The following EXD2 variants were observed in gnomAD, a reference collection of about 807,000 sequenced individuals.
EXD2 encodes exonuclease 3'-5' domain-containing protein 2.
A neutral mutation model predicts 62.5 loss-of-function variants in EXD2; 40 were observed. The ratio of observed to expected loss-of-function variants is 0.64; its 90% CI spans 0.50 to 0.83. EXD2 has a LOEUF of 0.83. EXD2 is among the 40% of genes least tolerant of loss of function. The pLI is 0.00. For synonymous variants in EXD2, 239 were observed against 291.9 expected, an observed-to-expected ratio of 0.82 and a Z score of 1.85; for missense variants, 671 against 761.8, an observed-to-expected ratio of 0.88 and a Z score of 1.40.
intron 1 of EXD2, among the ~76,000 whole-genome samples, chr14:69,199,397 C>A (rs573431127): frequency 6.6e-6 from 1 of 152,188 alleles, no homozygotes; most frequent in Non-Finnish European, 1.5e-5. Flanking sequence ...CTTATAAACA[C>A]GTGTGTATTT....
chr14:69,236,384 A>G (rs1221888736), intron 7 of EXD2, 23 bp from the exon 8 acceptor site: 2 of 1,613,952 alleles, frequency 1.2e-6, no homozygotes, highest in Non-Finnish European at 1.7e-6. Context: ...GAGCAGTCAA[A>G]CACTGATGTC....
rs1459819460 is a variant in EXD2 at position 69,241,731 on chromosome 14, C to G, written c.*631C>G. On this transcript the variant is annotated 3_prime_UTR_variant, in exon 10 of 10. Coordinates refer to ENST00000685843, the MANE Select transcript of EXD2 (RefSeq NM_001193360.2). Reference sequence around the variant, plus strand: ...AGGACCAAACAGCAACTTCCTGCCACACACTTCCACCCTATCACTGGGAGA... The same window carrying G: ...AGGACCAAACAGCAACTTCCTGCCAGACACTTCCACCCTATCACTGGGAGA... 1 of 397,728 alleles carries G rather than the reference C, an allele frequency of 2.5e-6. No individual in the cohort carries two copies. The highest frequency in any genetic ancestry group is 3.6e-5 in the East Asian group (1 of 28,070). 24.6% of individuals were successfully genotyped at this position (397,728 alleles called of 1,614,324 possible).
chr14:69,228,809 G>A lies in EXD2; in HGVS notation c.334-7G>A, dbSNP rs754074251. On this transcript the variant is annotated splice_polypyrimidine_tract_variant and splice_region_variant and intron_variant, in intron 3 of 9. Transcript: ENST00000685843. ...GTGAACCACAACCTTGTCTTCCTCT[G>A]TTGCAGGTAAATTTGGAAGGCAAAG... 6.2e-7 allele frequency: 1 copy of A among 1,607,804 alleles called. No individual in the cohort carries two copies. The highest frequency in any genetic ancestry group is 8.5e-7 in the Non-Finnish European group (1 of 1,176,936).
intron 1 of EXD2, among the ~76,000 whole-genome samples, chr14:69,201,543 C>G (rs2042397282): frequency 6.6e-6 from 1 of 152,050 alleles, no homozygotes. Context: ...CCTGCCCTTC[C>G]CATTTGTGCA....
intron 9 of EXD2, among the ~76,000 whole-genome samples, chr14:69,238,356 A>G (rs920484060): frequency 1.3e-5 from 2 of 152,170 alleles, no homozygotes; most frequent in Non-Finnish European, 1.5e-5. Context: ...CTCAGTATCC[A>G]TGGGGGATTG....
chr14:69,236,489 G>C lies in EXD2; in HGVS notation c.1239G>C (p.Leu413Phe), dbSNP rs1226974513. ...GRPESPGDYY[L>F]MVKENLCVVC... ...CCGAATCTCCTGGAGACTATTACTT[G>C]ATGGTTAAAGAGAACCTGTGTGTAG... The change falls in exon 8 of 10, where the codon TTG (leucine) becomes TTC (phenylalanine). Residue 413 changes from leucine to phenylalanine, a missense_variant. By Grantham distance (22) the Leu-to-Phe change is conservative. Coordinates refer to ENST00000685843, the MANE Select transcript of EXD2 (RefSeq NM_001193360.2). 1 of 1,614,158 alleles carries C rather than the reference G, an allele frequency of 6.2e-7. No individual in the cohort carries two copies. Among genetic ancestry groups the C allele is most frequent in the Admixed American group, 1.7e-5 (1 of 60,032 alleles).
intron 3 of EXD2, among the ~76,000 whole-genome samples, chr14:69,217,093 C>G (rs1233547345): frequency 6.6e-6 from 1 of 152,160 alleles, no homozygotes; most frequent in Non-Finnish European, 1.5e-5. Context: ...CGCTCTGTTA[C>G]CCAGGCTAGA....
intron 5 of EXD2, among the ~76,000 whole-genome samples, chr14:69,230,846 G>C (rs1436128938): frequency 2.0e-5 from 3 of 152,060 alleles, no homozygotes; most frequent in African/African-American, 7.2e-5. Flanking sequence ...GCAGTGGTAC[G>C]GTCTTGGCTC....
At chr14:69,223,493 GGCAAAATATAT>G (rs2043257573) in intron 3 of EXD2, among the ~76,000 whole-genome samples, 1 of 152,162 alleles carries the variant, frequency 6.6e-6, no homozygotes, top group African/African-American at 2.4e-5. Flanking sequence ...TTTCTTTAAT[GGCAAAATATAT>G]GCAAATCCAA....
chr14:69,228,043 A>G (rs2043422198), intron 3 of EXD2: 3 of 151,908 alleles, frequency 2.0e-5, no homozygotes, highest in African/African-American at 7.3e-5. Context: ...TCTATCTTCT[A>G]CCTCTTTTTA....
At chr14:69,203,239 AT>A (rs35897888) in intron 1 of EXD2, among the ~76,000 whole-genome samples, 2,938 of 144,606 alleles carry the variant, frequency 0.02, 72 homozygotes, top group African/African-American at 0.069. Flanking sequence ...GTTTTTTGTA[AT>A]TTTTTTTTTT....
chr14:69,223,541 A>G lies in EXD2; in HGVS notation c.334-5275A>G, dbSNP rs916934028. ...GAAGTGGTTATACAAAGCAGGAAATAACAGCATGCTATCACAAAGAGGTAT... is the reference window on the plus strand; with the variant it reads ...GAAGTGGTTATACAAAGCAGGAAATGACAGCATGCTATCACAAAGAGGTAT... On this transcript the variant is annotated intron_variant, in intron 3 of 9. Transcript: ENST00000685843. 2.6e-5 allele frequency among the ~76,000 whole-genome samples: 4 copies of G among 152,238 alleles called. No individual in the cohort carries two copies. The East Asian group carries it at 7.7e-4, about 29-fold the overall frequency.
At position 69,234,570 on chromosome 14, in the gene EXD2, T is replaced by G. The variant is rs1727808344; in HGVS notation, c.718-130T>G. 3 of 727,654 alleles carry G rather than the reference T, an allele frequency of 4.1e-6. No individual in the cohort carries two copies. In the South Asian group the frequency reaches 6.1e-5, roughly 15 times the overall value. The allele number at this position is 727,654 out of a possible 1,614,324, so 45.1% of individuals were successfully genotyped here. ...TATAATAAGAAGTTTTAAGGAAGTG[T>G]ATGGTGCCCAGGTTGTCGTACATTT... On this transcript the variant is annotated intron_variant, in intron 5 of 9. Coordinates refer to ENST00000685843, the MANE Select transcript of EXD2 (RefSeq NM_001193360.2).
chr14:69,226,084 A>G (rs943772133), intron 3 of EXD2, among the ~76,000 whole-genome samples: 6 of 152,344 alleles, frequency 3.9e-5, no homozygotes, highest in Non-Finnish European at 8.8e-5. Flanking sequence ...AAGAGGTACA[A>G]ATATTGAACC....
intron 3 of EXD2, among the ~76,000 whole-genome samples, chr14:69,212,903 G>T (rs183630445): frequency 3.0e-4 from 46 of 151,230 alleles, no homozygotes; most frequent in African/African-American, 1.1e-3. Flanking sequence ...TAGAGACGGG[G>T]TTTTGCGGTG....
At chr14:69,198,369 GCCTCT>G (rs1275983830) in intron 1 of EXD2, among the ~76,000 whole-genome samples, 1 of 152,038 alleles carries the variant, frequency 6.6e-6, no homozygotes, top group African/African-American at 2.4e-5. Flanking sequence ...AGTATTCTTT[GCCTCT>G]CCGCTCTGCT....
intron 3 of EXD2, among the ~76,000 whole-genome samples, chr14:69,227,164 G>T (rs754203552): frequency 1.3e-5 from 2 of 152,130 alleles, no homozygotes; most frequent in Non-Finnish European, 2.9e-5. Context: ...ATGTTTAGCA[G>T]CCTTCTGGCC....
At chr14:69,213,103 A>C (rs1332064061) in intron 3 of EXD2, among the ~76,000 whole-genome samples, 1 of 77,482 alleles carries the variant, frequency 1.3e-5, no homozygotes, top group Non-Finnish European at 2.7e-5. Flanking sequence ...TTTTTTTTGT[A>C]GATGGGGTCT....
At position 69,237,776 on chromosome 14, in the gene EXD2, G is replaced by A. The variant is rs2043847567; in HGVS notation, c.1494G>A (p.Glu498=). Residue 498 remains glutamate, a synonymous_variant, in exon 9 of 10, where the codon GAG becomes GAA. Transcript: ENST00000685843. ...EEGLRLLEDP[E]RRQVRSGARA... ...GCTTGCGCCTGCTGGAAGATCCTGA[G>A]CGCCGGCAGGTGCGTTCTGGGGCCA... 1 of 1,613,696 alleles carries A rather than the reference G, an allele frequency of 6.2e-7. No individual in the cohort carries two copies. The highest frequency in any genetic ancestry group is 1.3e-5 in the African/African-American group (1 of 74,944).
Sources: allele counts gnomAD v4.1 joint callset (sites outside exome capture counted in the v4.1 genomes callset), GRCh38; gene constraint gnomAD v4.1.1; transcripts MANE v1.5; gene names NCBI Gene and HGNC (gene_info 2026-07-23, HGNC 2026-07-21).